Variants in TRIO observed in about 807,000 individuals in gnomAD.
TRIO encodes trio Rho guanine nucleotide exchange factor, also known as triple functional domain protein.
In TRIO, 58 loss-of-function variants were observed where a neutral mutation model predicts 351.9. The ratio of observed to expected loss-of-function variants is 0.16; its 90% CI spans 0.13 to 0.21. The LOEUF is 0.21. Ranked by LOEUF, TRIO falls within the 10% of genes least tolerant of loss-of-function variation. The pLI, the probability that TRIO is intolerant of heterozygous loss-of-function variation, is 1.00. For missense variants in TRIO, 3,201 were observed against 4,027.8 expected (o/e 0.79, Z 5.56); for synonymous variants, 1,758 against 1,595.7 (o/e 1.10, Z -2.42).
At chr5:14,462,523 G>C (rs1246540918) in intron 35 of TRIO, among the ~76,000 whole-genome samples, 1 of 152,210 alleles carries the variant, frequency 6.6e-6, no homozygotes, top group Non-Finnish European at 1.5e-5. Context: ...CACATTGGCA[G>C]TCCCTTTATA....
At chr5:14,190,750 G>A (rs931471291) in intron 1 of TRIO, among the ~76,000 whole-genome samples, 3 of 152,024 alleles carry the variant, frequency 2.0e-5, no homozygotes, top group African/African-American at 7.3e-5. Context: ...TCTTAAAAGA[G>A]CTGACTAAAT....
chr5:14,246,293 T>G (rs1794431896), intron 1 of TRIO, among the ~76,000 whole-genome samples: 2 of 152,250 alleles, frequency 1.3e-5, no homozygotes, highest in African/African-American at 4.8e-5. Flanking sequence ...GCTGTTAAAC[T>G]AGGGGGAACT....
intron 53 of TRIO, among the ~76,000 whole-genome samples, chr5:14,501,928 T>G (rs534232871): frequency 2.0e-5 from 3 of 152,338 alleles, no homozygotes; most frequent in East Asian, 3.9e-4. Flanking sequence ...ACTTAGTGCT[T>G]CTTTTCACAG....
At chr5:14,349,663 G>T (rs773545282) in intron 11 of TRIO, among the ~76,000 whole-genome samples, 8 of 152,100 alleles carry the variant, frequency 5.3e-5, no homozygotes, top group Non-Finnish European at 1.2e-4. Context: ...CAACATACGA[G>T]GTGAACTTTT....
At chr5:14,170,665 C>G (rs1166737823) in intron 1 of TRIO, among the ~76,000 whole-genome samples, 1 of 152,034 alleles carries the variant, frequency 6.6e-6, no homozygotes, top group Admixed American at 6.6e-5. Context: ...CTCCACCATG[C>G]CTGGCTAATT....
intron 55 of TRIO, 77 bp from the exon 56 acceptor site, chr5:14,507,045 A>T (rs1757738432): frequency 1.8e-5 from 27 of 1,485,816 alleles, no homozygotes; most frequent in Non-Finnish European, 2.4e-5. Context: ...CAGGTCCGAC[A>T]TGTTTACTTC....
intron 11 of TRIO, among the ~76,000 whole-genome samples, chr5:14,338,862 T>C (rs1741672478): frequency 6.6e-6 from 1 of 152,080 alleles, no homozygotes; most frequent in Non-Finnish European, 1.5e-5. Context: ...AGCCAGGTGG[T>C]TGGAGCTGGT....
chr5:14,290,580 G>A lies in TRIO; in HGVS notation c.541-136G>A, dbSNP rs773764. 0.053 allele frequency: 47,910 copies of A among 909,770 alleles called. 1,481 individuals carry two copies. Among genetic ancestry groups the A allele is most frequent in the African/African-American group, 0.078 (4,690 of 60,398 alleles). 56.4% of individuals were successfully genotyped at this position (909,770 alleles called of 1,614,324 possible). A position where few individuals can be genotyped will look rare whatever the true frequency, so the allele number is the denominator to read the frequency against. The stretch of plus-strand genomic sequence containing the variant: ...ATCTACATTTATTTTTATGGGGCCA[G>A]AACCAGGTATGTTATGTTTTCTATA... On this transcript the variant is annotated intron_variant, in intron 4 of 56. Transcript: ENST00000344204.
chr5:14,218,375 G>A (rs1000734536), intron 1 of TRIO, among the ~76,000 whole-genome samples: 1 of 152,182 alleles, frequency 6.6e-6, no homozygotes, highest in African/African-American at 2.4e-5. Context: ...GATATTAAGA[G>A]CACAGAAGAA....
At position 14,487,487 on chromosome 5, in the gene TRIO, C is replaced by A; in HGVS notation, c.6859C>A (p.Gln2287Lys). 9.1e-7 allele frequency: 1 copy of A among 1,094,720 alleles called. No individual in the cohort carries two copies. The highest frequency in any genetic ancestry group is 1.1e-6 in the Non-Finnish European group (1 of 882,920). 67.8% of individuals were successfully genotyped at this position (1,094,720 alleles called of 1,614,324 possible). Residue 2287 changes from glutamine (Q) to lysine (K), a missense_variant, in exon 48 of 57, where the codon CAG becomes AAG. Coordinates refer to ENST00000344204, the MANE Select transcript of TRIO (RefSeq NM_007118.4). ...LNALTSPIEY[Q>K]RNHSGGGGGG... ...AGCCTTGACATCGCCAATCGAGTAC[C>A]AGAGGAACCACAGCGGGGGCGGCGG... is the stretch of plus-strand genomic sequence containing the variant.
chr5:14,300,278 C>A (rs1275428203), intron 7 of TRIO, among the ~76,000 whole-genome samples: 4 of 152,208 alleles, frequency 2.6e-5, no homozygotes, highest in Admixed American at 6.5e-5. Context: ...CTTAAAATAT[C>A]TTTTTACTGT....
chr5:14,225,797 C>CT (rs140782515), intron 1 of TRIO, among the ~76,000 whole-genome samples: 1 of 132,768 alleles, frequency 7.5e-6, no homozygotes, highest in Non-Finnish European at 1.6e-5. Context: ...CTCCCACCCC[C>CT]CCCCCCACCT....
intron 8 of TRIO, among the ~76,000 whole-genome samples, chr5:14,313,638 A>ATTTT (rs1385454192): frequency 6.6e-6 from 1 of 152,180 alleles, no homozygotes; most frequent in Non-Finnish European, 1.5e-5. Context: ...TGGTAGCTCT[A>ATTTT]TTAGTAAGAG....
Position 14,502,627 on chromosome 5 carries a change from CCTT to C in TRIO, c.8384_8386del (p.Phe2795del). 2 of 1,614,202 alleles carry C rather than the reference CCTT, an allele frequency of 1.2e-6. No individual in the cohort carries two copies. Among genetic ancestry groups the C allele is most frequent in the South Asian group, 1.1e-5 (1 of 91,078 alleles). On this transcript the variant is annotated inframe_deletion, in exon 54 of 57. Coordinates refer to ENST00000344204, the MANE Select transcript of TRIO (RefSeq NM_007118.4). Reference sequence around the variant, plus strand: ...GTGACCTGGAAAGACAACTTTGACTCCTTCTACAGTGAAGTGGCTGAGCTTGGC... The same window carrying C: ...GTGACCTGGAAAGACAACTTTGACTCCTACAGTGAAGTGGCTGAGCTTGGC...
intron 7 of TRIO, among the ~76,000 whole-genome samples, chr5:14,298,517 T>G (rs1477746833): frequency 6.6e-6 from 1 of 152,200 alleles, no homozygotes; most frequent in African/African-American, 2.4e-5. Context: ...CGGATGCTTC[T>G]TAAAAAGGAA....
At chr5:14,445,737 A>T (rs949840613) in intron 34 of TRIO, among the ~76,000 whole-genome samples, 15 of 152,184 alleles carry the variant, frequency 9.9e-5, no homozygotes, top group African/African-American at 3.6e-4. Flanking sequence ...TTCCTCTTTT[A>T]TCCTTGAAAG....
chr5:14,346,818 G>T (rs1579385673), intron 11 of TRIO, among the ~76,000 whole-genome samples: 1 of 152,186 alleles, frequency 6.6e-6, no homozygotes, highest in Non-Finnish European at 1.5e-5. Context: ...TATAATAAAA[G>T]AATCAACCAA....
chr5:14,196,608 C>T (rs978158052), intron 1 of TRIO, among the ~76,000 whole-genome samples: 1 of 152,052 alleles, frequency 6.6e-6, no homozygotes, highest in Non-Finnish European at 1.5e-5. Context: ...ATTATTCTAC[C>T]TTCAGAAGCT....
chr5:14,380,147 C>T (rs1399766578), intron 20 of TRIO, among the ~76,000 whole-genome samples: 1 of 152,238 alleles, frequency 6.6e-6, no homozygotes, highest in Non-Finnish European at 1.5e-5. Context: ...TGACATCACT[C>T]CACAGTGACT....
Sources: gnomAD v4.1 joint callset for allele counts (sites outside exome capture counted in the v4.1 genomes callset) on GRCh38, gnomAD v4.1.1 for gene constraint, MANE v1.5 for transcripts, NCBI Gene and HGNC (gene_info 2026-07-23, HGNC 2026-07-21) for gene names.